The following SEL1L3 variants were observed in gnomAD, a reference collection of about 807,000 sequenced individuals.
SEL1L3 encodes protein sel-1 homolog 3.
A neutral mutation model predicts 142.8 loss-of-function variants in SEL1L3; 76 were observed. The observed-to-expected ratio is 0.53, with a 90% CI of 0.44 to 0.64. The LOEUF (loss-of-function observed/expected upper bound fraction) is 0.64, where lower values mean the gene tolerates loss of function less well. Ranked by LOEUF, SEL1L3 falls within the 30% of genes least tolerant of loss-of-function variation. SEL1L3 has a pLI of 0.00. For synonymous variants in SEL1L3, 504 were observed against 519.6 expected (o/e 0.97, Z 0.41); for missense variants, 1,262 against 1,381.7 (o/e 0.91, Z 1.37).
chr4:25,800,053 T>C (rs978477275), intron 11 of SEL1L3, among the ~76,000 whole-genome samples: 1 of 152,166 alleles, frequency 6.6e-6, no homozygotes, highest in Non-Finnish European at 1.5e-5. Flanking sequence ...AGCAGAGTCC[T>C]ACTAAAGCAT....
At chr4:25,813,739 T>C (rs909781474) in intron 9 of SEL1L3, among the ~76,000 whole-genome samples, 1 of 152,224 alleles carries the variant, frequency 6.6e-6, no homozygotes. Flanking sequence ...TTTAAAAAGA[T>C]AAATCACAGC....
chr4:25,775,514 T>G (rs1374689540), intron 17 of SEL1L3, among the ~76,000 whole-genome samples: 2 of 152,202 alleles, frequency 1.3e-5, no homozygotes, highest in Admixed American at 6.5e-5. Context: ...TACTGAAATA[T>G]CCACATCATT....
intron 15 of SEL1L3, among the ~76,000 whole-genome samples, chr4:25,780,580 A>T: frequency 6.6e-6 from 1 of 151,678 alleles, no homozygotes; most frequent in East Asian, 1.9e-4. Context: ...TTCCTTCTGG[A>T]ATGTTCTCCT....
At chr4:25,856,333 T>G (rs773592787) in intron 1 of SEL1L3, among the ~76,000 whole-genome samples, 2 of 152,124 alleles carry the variant, frequency 1.3e-5, no homozygotes, top group African/African-American at 4.8e-5. Context: ...ACCGCAACTC[T>G]AAGCAAGATA....
At chr4:25,762,716 A>G (rs986613979) in intron 20 of SEL1L3, among the ~76,000 whole-genome samples, 7 of 152,162 alleles carry the variant, frequency 4.6e-5, no homozygotes, top group African/African-American at 1.7e-4. Flanking sequence ...TGCGGTGCTC[A>G]CCCCTCTAAT....
intron 9 of SEL1L3, among the ~76,000 whole-genome samples, chr4:25,813,178 G>A (rs1714149779): frequency 6.6e-6 from 1 of 152,180 alleles, no homozygotes; most frequent in African/African-American, 2.4e-5. Flanking sequence ...ATATGACCCA[G>A]AAATTCTGCT....
chr4:25,782,149 G>A, intron 15 of SEL1L3, 93 bp downstream of exon 15: 1 of 1,084,860 alleles, frequency 9.2e-7, no homozygotes, highest in Non-Finnish European at 1.4e-6. Flanking sequence ...GACTGTGTCT[G>A]GGGTTGGGTC....
At position 25,788,435 on chromosome 4, in the gene SEL1L3, G is replaced by A; in HGVS notation, c.2077-71C>T. ...GCTTAACACAAGATTTTGAAAGGTG[G>A]GAGAGCAAACCTACTTTACGATGTT... On this transcript the variant is annotated intron_variant, in intron 12 of 23. Transcript: ENST00000399878. The surrounding 1 kb of genome is among the most constrained non-coding windows in gnomAD (Gnocchi z 5.3). 2.0e-6 allele frequency: 3 copies of A among 1,513,374 alleles called. No homozygotes were observed. The highest frequency in any genetic ancestry group is 2.7e-6 in the Non-Finnish European group (3 of 1,104,972). 93.7% of individuals were successfully genotyped at this position (1,513,374 alleles called of 1,614,324 possible).
chr4:25,752,713 C>T (rs745399261), intron 23 of SEL1L3, among the ~76,000 whole-genome samples: 16 of 152,170 alleles, frequency 1.1e-4, no homozygotes, highest in Non-Finnish European at 1.8e-4. Flanking sequence ...CTCTGCCTCC[C>T]AGCTTCAGGT....
chr4:25,845,311 A>G (rs1324436773), intron 2 of SEL1L3, among the ~76,000 whole-genome samples: 2 of 152,294 alleles, frequency 1.3e-5, no homozygotes, highest in South Asian at 2.1e-4. Context: ...CCTGGGCAAC[A>G]TAGGAAGACC....
At chr4:25,733,713 G>A in the SEL1L3 span, among the ~76,000 whole-genome samples, 1 of 151,896 alleles carries the variant, frequency 6.6e-6, no homozygotes, top group Non-Finnish European at 1.5e-5. Flanking sequence ...TAGAGACGGG[G>A]TTTCACTATG....
chr4:25,840,462 T>C (rs1716100641), intron 2 of SEL1L3, among the ~76,000 whole-genome samples: 1 of 152,194 alleles, frequency 6.6e-6, no homozygotes, highest in Non-Finnish European at 1.5e-5. Flanking sequence ...TTTGTTGTAA[T>C]GAAATTTTGT....
At position 25,847,633 on chromosome 4, in the gene SEL1L3, AC is replaced by A; in HGVS notation, c.393del (p.Arg131SerfsTer15). The A allele has an allele frequency of 1.9e-6, 3 of 1,613,974 alleles. No homozygotes were observed. Among genetic ancestry groups the A allele is most frequent in the Non-Finnish European group, 2.5e-6 (3 of 1,179,878 alleles). On this transcript the variant is annotated frameshift_variant, in exon 2 of 24. Coordinates refer to ENST00000399878, the MANE Select transcript of SEL1L3 (RefSeq NM_015187.5). LOFTEE classifies it high-confidence loss of function. ...GTGTGAAGATGTTTCTCATTCTTCC[AC>A]CTTTTTTTGTACACGGGAATGCTAC... ...FRSSIPVYKK[R>X]WKNEKHLHTS...
rs746050866 is a variant in SEL1L3, at chr4:25,822,114, A to C, written c.1172T>G (p.Phe391Cys). 3.1e-6 allele frequency: 5 copies of C among 1,613,978 alleles called. No individual in the cohort carries two copies. The East Asian group carries it at 1.1e-4, about 36-fold the overall frequency. The change falls in exon 7 of 24, where the codon TTC becomes TGC. Residue 391 changes from phenylalanine (F) to cysteine (C), a missense_variant. By Grantham distance (205) the Phe-to-Cys change is radical (BLOSUM62 -2). Transcript: ENST00000399878. ...HNQTISFREDFHYNDTAGYFI... is the reference protein window; with the variant it reads ...HNQTISFREDCHYNDTAGYFI... ...GTACCCAGCTGTGTCATTATAATGG[A>C]AATCCTCCCGGAAGCTAGAGAAGAG...
intron 17 of SEL1L3, among the ~76,000 whole-genome samples, chr4:25,770,855 T>C (rs13128580): frequency 0.66 from 99,600 of 151,782 alleles, 33,066 homozygotes; most frequent in Middle Eastern, 0.74. Context: ...CCACCATCCA[T>C]GTTCACATCT....
At chr4:25,850,358 T>A (rs1716801569) in intron 1 of SEL1L3, among the ~76,000 whole-genome samples, 1 of 152,130 alleles carries the variant, frequency 6.6e-6, no homozygotes, top group Non-Finnish European at 1.5e-5. Context: ...TCATTCATAG[T>A]AAGATAAATG....
chr4:25,715,231 C>T, the SEL1L3 span, among the ~76,000 whole-genome samples: 2 of 152,112 alleles, frequency 1.3e-5, no homozygotes, highest in African/African-American at 2.4e-5. Flanking sequence ...GTGGCTCACA[C>T]CTGTAATCCC....
At chr4:25,726,850 T>A in the SEL1L3 span, among the ~76,000 whole-genome samples, 3 of 152,096 alleles carry the variant, frequency 2.0e-5, no homozygotes, top group Admixed American at 2.0e-4. Flanking sequence ...ACAGACTGGG[T>A]GGCTTTTCCA....
chr4:25,735,860 G>T, the SEL1L3 span, among the ~76,000 whole-genome samples: 2 of 126,322 alleles, frequency 1.6e-5, no homozygotes, highest in Non-Finnish European at 1.6e-5. Context: ...GATGGAGTCT[G>T]GCTCTGTCGC....
Sources: allele counts gnomAD v4.1 joint callset (sites outside exome capture counted in the v4.1 genomes callset), GRCh38; gene constraint gnomAD v4.1.1; non-coding constraint Gnocchi (gnomAD v3.1); transcripts MANE v1.5; gene names NCBI Gene and HGNC (gene_info 2026-07-23, HGNC 2026-07-21).